The following PKD1L1 variants were observed in gnomAD, a reference collection of about 807,000 sequenced individuals.
PKD1L1 encodes polycystin 1 like 1, transient receptor potential channel interacting.
A neutral mutation model predicts 323.4 loss-of-function variants in PKD1L1; 236 were observed. The ratio of observed to expected loss-of-function variants is 0.73; its 90% CI spans 0.66 to 0.81. The LOEUF (loss-of-function observed/expected upper bound fraction) is 0.81, where lower values mean the gene tolerates loss of function less well. Ranked by LOEUF, PKD1L1 falls within the 40% of genes least tolerant of loss-of-function variation. PKD1L1 has a pLI of 0.00. For synonymous variants in PKD1L1, 1,344 were observed against 1,335.0 expected (o/e 1.01, Z -0.15); for missense variants, 3,320 against 3,508.0 (o/e 0.95, Z 1.35).
At chr7:47,959,697 G>T in the PKD1L1 span, among the ~76,000 whole-genome samples, 3 of 133,826 alleles carry the variant, frequency 2.2e-5, no homozygotes, top group Non-Finnish European at 3.4e-5. Flanking sequence ...GGAGGGAGGT[G>T]GGGGGGTCAG....
chr7:47,781,453 G>C (rs959452422), intron 56 of PKD1L1, among the ~76,000 whole-genome samples: 5 of 139,222 alleles, frequency 3.6e-5, no homozygotes, highest in Non-Finnish European at 7.6e-5. Context: ...CTGTTGCCCA[G>C]GCTGGAGTGC....
rs1416132234 is a variant in PKD1L1, at chr7:47,812,055, TA to T, written c.7347-5del. 1.3e-6 allele frequency: 2 copies of T among 1,555,818 alleles called. No homozygotes were observed. The highest frequency in any genetic ancestry group is 1.7e-6 in the Non-Finnish European group (2 of 1,149,380). ...CAGGGCTGTGTGGGCTTCAGTCCTG[TA>T]AAACAGCACACACTGGGGTAGGGCA... On this transcript the variant is annotated splice_polypyrimidine_tract_variant and splice_region_variant and intron_variant, in intron 49 of 56. Coordinates refer to ENST00000289672, the MANE Select transcript of PKD1L1 (RefSeq NM_138295.5).
In PKD1L1 at chr7:47,829,750, A is replaced by G. The variant is rs966590888; in HGVS notation, c.6559-149T>C. The G allele has an allele frequency of 4.9e-5, 44 of 896,148 alleles. No individual in the cohort carries two copies. The East Asian group carries it at 1.1e-3, about 22-fold the overall frequency. The allele number at this position is 896,148 out of a possible 1,614,324, so 55.5% of individuals were successfully genotyped here. ...GTCACTGCCTTGGATTCCCAGCCCA[A>G]CTACTCACCAGGCATGGCCCCGCCC... is the stretch of plus-strand genomic sequence containing the variant. On this transcript the variant is annotated intron_variant, in intron 43 of 56. Coordinates refer to ENST00000289672, the MANE Select transcript of PKD1L1 (RefSeq NM_138295.5).
intron 54 of PKD1L1, among the ~76,000 whole-genome samples, chr7:47,797,183 G>C (rs1399603533): frequency 6.6e-6 from 1 of 152,178 alleles, no homozygotes; most frequent in South Asian, 2.1e-4. Context: ...AAGCAGCATC[G>C]TCTAAGGGGT....
chr7:47,881,792 G>GT, intron 20 of PKD1L1, 117 bp downstream of exon 20: 1 of 992,994 alleles, frequency 1.0e-6, no homozygotes, highest in Non-Finnish European at 1.5e-6. Context: ...AGTAGAAAAG[G>GT]TACCACAATT....
At chr7:47,947,791 C>T (rs1389847125) in intron 1 of PKD1L1, among the ~76,000 whole-genome samples, 2 of 152,158 alleles carry the variant, frequency 1.3e-5, no homozygotes, top group Non-Finnish European at 2.9e-5. Context: ...CACAGTGAAA[C>T]CCCGTCTCTA....
chr7:47,886,034 C>T lies in PKD1L1; in HGVS notation c.2857G>A (p.Gly953Arg), dbSNP rs1786677170. 6.2e-7 allele frequency: 1 copy of T among 1,613,418 alleles called. No individual in the cohort carries two copies. The highest frequency in any genetic ancestry group is 8.5e-7 in the Non-Finnish European group (1 of 1,179,534). Residue 953 changes from glycine to arginine, a missense_variant, in exon 18 of 57, where the codon GGG becomes AGG. Coordinates refer to ENST00000289672, the MANE Select transcript of PKD1L1 (RefSeq NM_138295.5). ...RIEVPFCRVV[G>R]LLGSLGLGAI... is the part of the protein sequence containing the mutation. ...CCGAGTCCCAGCGAGCCAAGCAGCC[C>T]CACTACTCTGCAGAAGGGAACTTAA...
intron 7 of PKD1L1, among the ~76,000 whole-genome samples, chr7:47,920,275 A>G (rs1285345727): frequency 7.2e-6 from 1 of 139,096 alleles, no homozygotes; most frequent in African/African-American, 2.9e-5. Flanking sequence ...GCTGCAAAAA[A>G]AACCAAAACA....
At position 47,827,440 on chromosome 7, in the gene PKD1L1, T is replaced by C. The variant is rs761401842; in HGVS notation, c.6764A>G (p.His2255Arg). 5.6e-6 allele frequency: 9 copies of C among 1,611,502 alleles called. No homozygotes were observed. In the African/African-American group the frequency reaches 1.1e-4, roughly 19 times the overall value. Residue 2255 changes from histidine to arginine, a missense_variant, in exon 45 of 57, where the codon CAC (histidine) becomes CGC (arginine). Coordinates refer to ENST00000289672, the MANE Select transcript of PKD1L1 (RefSeq NM_138295.5). Reference protein sequence around the residue: ...KVLAARQQARHLRWAHPPSKA... With the variant: ...KVLAARQQARRLRWAHPPSKA... ...GGATGGTGGATGCGCCCAGCGCAGG[T>C]GGCGAGCTTGTTGTCGGGCAGCCAA...
chr7:47,785,584 A>T (rs1786787748), intron 56 of PKD1L1, among the ~76,000 whole-genome samples: 1 of 152,092 alleles, frequency 6.6e-6, no homozygotes, highest in African/African-American at 2.4e-5. Context: ...CCAAGAAGTT[A>T]AGTCGCTTTC....
intron 26 of PKD1L1, among the ~76,000 whole-genome samples, chr7:47,861,419 A>G (rs1786019903): frequency 6.6e-6 from 1 of 152,210 alleles, no homozygotes. Flanking sequence ...GGAGAAAGTA[A>G]TATTTTTCCA....
At chr7:47,923,059 T>C (rs1787585558) in intron 7 of PKD1L1, among the ~76,000 whole-genome samples, 1 of 152,112 alleles carries the variant, frequency 6.6e-6, no homozygotes, top group Non-Finnish European at 1.5e-5. Context: ...CTGAAACATG[T>C]GCTGTGTCCA....
intron 45 of PKD1L1, among the ~76,000 whole-genome samples, chr7:47,821,583 G>T (rs1191221346): frequency 6.6e-6 from 1 of 151,116 alleles, no homozygotes; most frequent in Non-Finnish European, 1.5e-5. Flanking sequence ...GATTTTAAAT[G>T]AAACTCGGCT....
chr7:47,936,164 A>T (rs1218074372), intron 4 of PKD1L1, among the ~76,000 whole-genome samples: 1 of 152,184 alleles, frequency 6.6e-6, no homozygotes, highest in Non-Finnish European at 1.5e-5. Context: ...GTTTTTTTAA[A>T]TTGTGGTAAA....
rs147089153 is a variant in PKD1L1 at position 47,929,498 on chromosome 7, G to A, written c.766C>T (p.Arg256Cys). Residue 256 changes from arginine to cysteine, a missense_variant, in exon 7 of 57, where the codon CGC becomes TGC. By Grantham distance (180) the Arg-to-Cys change is radical. Coordinates refer to ENST00000289672, the MANE Select transcript of PKD1L1 (RefSeq NM_138295.5). ...TGCGATGCCGTGAAGCTGGGGGTGC[G>A]AGGAATGCCAGGCGGAAGGCCGTGG... ...SSHGLPPGIP[R>C]TPSFTASQSG... is the part of the protein sequence containing the mutation. 342 of 1,613,852 alleles carry A rather than the reference G, an allele frequency of 2.1e-4. 2 individuals are homozygous for A. Among genetic ancestry groups the A allele is most frequent in the Middle Eastern group, 3.3e-4 (2 of 6,060 alleles).
chr7:47,917,402 T>C lies in PKD1L1; in HGVS notation c.1061-1803A>G, dbSNP rs558639978. 3.4e-3 allele frequency among the ~76,000 whole-genome samples: 505 copies of C among 149,118 alleles called. 1 individual carries two copies. Among genetic ancestry groups the C allele is most frequent in the Non-Finnish European group, 5.2e-3 (347 of 67,094 alleles). On this transcript the variant is annotated intron_variant, in intron 7 of 56. Coordinates refer to ENST00000289672, the MANE Select transcript of PKD1L1 (RefSeq NM_138295.5). ...GAAATCTAAAAGTTTGGAAAACATA[T>C]GTGGGGGAATGATTGAGGGGAATAA... is the stretch of plus-strand genomic sequence containing the variant.
chr7:47,955,430 T>A, the PKD1L1 span, among the ~76,000 whole-genome samples: 2 of 152,176 alleles, frequency 1.3e-5, no homozygotes, highest in Non-Finnish European at 2.9e-5. Flanking sequence ...TACATGCATG[T>A]ACAAAGATTG....
intron 9 of PKD1L1, among the ~76,000 whole-genome samples, chr7:47,907,087 T>C (rs1259456498): frequency 6.6e-6 from 1 of 152,230 alleles, no homozygotes; most frequent in South Asian, 2.1e-4. Context: ...CAAGTCAATA[T>C]GAATGACCAA....
Position 47,881,960 on chromosome 7 carries a change from A to C in PKD1L1, c.3391T>G (p.Trp1131Gly). The C allele has an allele frequency of 6.2e-7, 1 of 1,613,852 alleles. No individual in the cohort carries two copies. ...GRAEPVLMIDWPKALLGRAVF... is the reference protein window; with the variant it reads ...GRAEPVLMIDGPKALLGRAVF... ...GCTCGACCCAGCAGGGCCTTGGGCC[A>C]GTCAATCATGAGGACAGGCTCGGCT... The change falls in exon 20 of 57, where the codon TGG becomes GGG. Residue 1131 changes from tryptophan (W) to glycine (G), a missense_variant. Transcript: ENST00000289672.
Sources: gnomAD v4.1 joint callset for allele counts (sites outside exome capture counted in the v4.1 genomes callset) on GRCh38, gnomAD v4.1.1 for gene constraint, MANE v1.5 for transcripts, NCBI Gene and HGNC (gene_info 2026-07-23, HGNC 2026-07-21) for gene names.